MAGI2: variants seen among roughly 807,000 people sequenced by gnomAD.
MAGI2 encodes membrane-associated guanylate kinase, WW and PDZ domain-containing protein 2.
A neutral mutation model predicts 133.3 loss-of-function variants in MAGI2; 35 were observed. The observed-to-expected ratio is 0.26, with a 90% CI of 0.20 to 0.35. The LOEUF (loss-of-function observed/expected upper bound fraction) is 0.35. MAGI2 is among the 10% of genes least tolerant of loss of function. The probability of loss-of-function intolerance (pLI) is 1.00; values close to 1 mark genes in which losing one functional copy is unlikely to be tolerated. For synonymous variants in MAGI2, 729 were observed against 710.6 expected (o/e 1.03, Z -0.41); for missense variants, 1,636 against 1,863.4 (o/e 0.88, Z 2.25).
chr7:79,335,963 C>T (rs1382778065), intron 1 of MAGI2, among the ~76,000 whole-genome samples: 3 of 152,070 alleles, frequency 2.0e-5, no homozygotes, highest in Non-Finnish European at 4.4e-5. Context: ...CCTCACCTGA[C>T]TGTTCACCAC....
intron 9 of MAGI2, among the ~76,000 whole-genome samples, chr7:78,291,863 C>G (rs1478056009): frequency 6.6e-6 from 1 of 151,770 alleles, no homozygotes; most frequent in Non-Finnish European, 1.5e-5. Context: ...GCGGAAAAGG[C>G]CTTCAACAAA....
In MAGI2 at chr7:78,134,947, G is replaced by A. The variant is rs1052035197; in HGVS notation, c.3031+74C>T. ...GGCAGGTGCACTCCGCGACCCTGGC[G>A]GGCAGGCTGAGAACACCCGGTGAGT... On this transcript the variant is annotated intron_variant, in intron 17 of 21. Coordinates refer to ENST00000354212, the MANE Select transcript of MAGI2 (RefSeq NM_012301.4). The A allele has an allele frequency of 8.1e-6, 11 of 1,355,514 alleles. No individual in the cohort carries two copies. The African/African-American group carries it at 1.0e-4, about 12-fold the overall frequency. 84.0% of individuals were successfully genotyped at this position (1,355,514 alleles called of 1,614,324 possible). A position where few individuals can be genotyped will look rare whatever the true frequency, so the allele number is the denominator to read the frequency against.
intron 2 of MAGI2, among the ~76,000 whole-genome samples, chr7:78,631,782 T>A (rs1227850967): frequency 6.6e-6 from 1 of 152,196 alleles, no homozygotes; most frequent in Admixed American, 6.5e-5. Flanking sequence ...AGAATTACTC[T>A]TTGGTTCAGA....
At chr7:78,900,023 C>G (rs191842683) in intron 2 of MAGI2, among the ~76,000 whole-genome samples, 1 of 152,162 alleles carries the variant, frequency 6.6e-6, no homozygotes, top group Non-Finnish European at 1.5e-5. Flanking sequence ...GATCCATTTA[C>G]TAAAGTGAAA....
intron 20 of MAGI2, among the ~76,000 whole-genome samples, chr7:78,083,229 C>T (rs1816179939): frequency 6.6e-6 from 1 of 152,014 alleles, no homozygotes; most frequent in Non-Finnish European, 1.5e-5. Context: ...TATACTCTCT[C>T]TGCCACAGAG....
In MAGI2 at chr7:78,741,413, AC is replaced by A. The variant is rs1563439031; in HGVS notation, c.419-114175del. Among the ~76,000 whole-genome samples the A allele has an allele frequency of 2.8e-3, 415 of 146,400 alleles. 6 individuals are homozygous for A. The highest frequency in any genetic ancestry group is 9.8e-3 in the African/African-American group (376 of 38,408). On this transcript the variant is annotated intron_variant, in intron 2 of 21. Transcript: ENST00000354212. ...CACACACACACACACACACACACAC[AC>A]ACACACACACACACGGGAGGGGGGT... is the stretch of plus-strand genomic sequence containing the variant.
intron 1 of MAGI2, among the ~76,000 whole-genome samples, chr7:79,429,231 T>A (rs920343181): frequency 1.3e-5 from 2 of 152,142 alleles, no homozygotes; most frequent in African/African-American, 4.8e-5. Context: ...ATATAATAAA[T>A]CTTGAACAAA....
intron 1 of MAGI2, among the ~76,000 whole-genome samples, chr7:79,157,623 C>T (rs1430304114): frequency 6.6e-6 from 1 of 151,752 alleles, no homozygotes; most frequent in Admixed American, 6.6e-5. Context: ...CAGAATGACC[C>T]CCTTTCAAGC....
intron 2 of MAGI2, among the ~76,000 whole-genome samples, chr7:78,631,104 G>A (rs986655140): frequency 6.6e-6 from 1 of 152,180 alleles, no homozygotes; most frequent in East Asian, 1.9e-4. Flanking sequence ...TTCCAAGCCT[G>A]AAAATGTCTT....
intron 2 of MAGI2, among the ~76,000 whole-genome samples, chr7:78,821,117 G>A (rs1432125208): frequency 6.6e-6 from 1 of 152,016 alleles, no homozygotes; most frequent in Non-Finnish European, 1.5e-5. Context: ...TTTTATGTGT[G>A]GTATGTAGCT....
intron 6 of MAGI2, among the ~76,000 whole-genome samples, chr7:78,483,048 A>G (rs1233287469): frequency 2.6e-5 from 4 of 151,790 alleles, no homozygotes; most frequent in African/African-American, 9.7e-5. Flanking sequence ...GCAAAATACA[A>G]TCTGCAGATT....
chr7:78,178,206 G>C lies in MAGI2; in HGVS notation c.2312-104C>G, dbSNP rs1826845795. The C allele has an allele frequency of 8.3e-6, 6 of 723,282 alleles. No individual in the cohort carries two copies. The South Asian group carries it at 9.6e-5, about 12-fold the overall frequency. 44.8% of individuals were successfully genotyped at this position (723,282 alleles called of 1,614,324 possible). On this transcript the variant is annotated intron_variant, in intron 13 of 21. Transcript: ENST00000354212. ...AATTAATTTTGTGGATGCGATTAAT[G>C]AGAGTGCTGTTAGGGTCAATGGAAA...
At chr7:78,760,521 C>A (rs1461030869) in intron 2 of MAGI2, among the ~76,000 whole-genome samples, 2 of 152,032 alleles carry the variant, frequency 1.3e-5, no homozygotes, top group East Asian at 1.9e-4. Context: ...CACCACCGTA[C>A]CTGGCTAATT....
At chr7:79,386,972 T>C (rs573270229) in intron 1 of MAGI2, among the ~76,000 whole-genome samples, 39 of 146,736 alleles carry the variant, frequency 2.7e-4, no homozygotes, top group Middle Eastern at 3.5e-3. Context: ...CATCTCAGGA[T>C]GTGTGTATTT....
chr7:78,977,479 GAAA>G (rs1804378162), intron 2 of MAGI2, among the ~76,000 whole-genome samples: 1 of 9,606 alleles, frequency 1.0e-4, no homozygotes, highest in Non-Finnish European at 2.9e-4. Flanking sequence ...AAGAAAGAAA[GAAA>G]GAAAGAAAGA....
intron 21 of MAGI2, among the ~76,000 whole-genome samples, chr7:78,053,164 C>G (rs1340334720): frequency 6.6e-6 from 1 of 152,068 alleles, no homozygotes; most frequent in East Asian, 1.9e-4. Flanking sequence ...GAAAAGTTAC[C>G]TAAAAAGAGA....
chr7:78,649,852 C>A (rs1187019399), intron 2 of MAGI2, among the ~76,000 whole-genome samples: 1 of 151,540 alleles, frequency 6.6e-6, no homozygotes, highest in Non-Finnish European at 1.5e-5. Flanking sequence ...AATAATAATG[C>A]TAATCGCATG....
chr7:78,956,151 G>C (rs1802362874), intron 2 of MAGI2, among the ~76,000 whole-genome samples: 1 of 152,088 alleles, frequency 6.6e-6, no homozygotes, highest in South Asian at 2.1e-4. Flanking sequence ...TGGAGGTTGA[G>C]GAAGAGGTCC....
intron 2 of MAGI2, among the ~76,000 whole-genome samples, chr7:78,651,183 T>C (rs568222313): frequency 1.3e-5 from 2 of 152,250 alleles, no homozygotes; most frequent in Admixed American, 1.3e-4. Context: ...GTAGTATTTC[T>C]ACTGTAATAG....
Sources: allele counts gnomAD v4.1 joint callset (sites outside exome capture counted in the v4.1 genomes callset), GRCh38; gene constraint gnomAD v4.1.1; transcripts MANE v1.5; gene names NCBI Gene and HGNC (gene_info 2026-07-23, HGNC 2026-07-21).